The following USP32 variants were observed in gnomAD, a reference collection of about 807,000 sequenced individuals.
USP32 encodes the protein ubiquitin specific peptidase 32.
A neutral mutation model predicts 204.8 loss-of-function variants in USP32; 59 were observed. The ratio of observed to expected loss-of-function variants is 0.29; its 90% CI spans 0.23 to 0.36. USP32 has a LOEUF of 0.36. Among genes scored for constraint, USP32 ranks in the 10% least tolerant of loss-of-function variants. The probability of loss-of-function intolerance (pLI) is 1.00; values close to 1 mark genes in which losing one functional copy is unlikely to be tolerated. For synonymous variants in USP32, 517 were observed against 678.4 expected (o/e 0.76, Z 3.70); for missense variants, 1,160 against 1,946.4 (o/e 0.60, Z 7.60).
chr17:60,373,466 C>T (rs113710288), intron 1 of USP32, among the ~76,000 whole-genome samples: 2,472 of 140,144 alleles, frequency 0.018, 26 homozygotes, highest in Non-Finnish European at 0.026. Context: ...TTTTTTGAGA[C>T]CAAGTCTTGC....
At chr17:60,372,765 G>A (rs1488199000) in intron 1 of USP32, among the ~76,000 whole-genome samples, 4 of 149,588 alleles carry the variant, frequency 2.7e-5, no homozygotes. Context: ...GATAACTTGA[G>A]CCCTTGAGCC....
chr17:60,362,715 C>T (rs915290319), intron 1 of USP32, among the ~76,000 whole-genome samples: 1 of 151,956 alleles, frequency 6.6e-6, no homozygotes, highest in South Asian at 2.1e-4. Flanking sequence ...AGCAGTTTCT[C>T]GAATCAAATA....
Position 60,282,222 on chromosome 17 carries a change from G to T in USP32, c.571+6301C>A, listed in dbSNP as rs76351666. On this transcript the variant is annotated intron_variant, in intron 5 of 33. Transcript: ENST00000300896. Reference sequence around the variant, plus strand: ...GACTCTTCATGTGCCTAAACTGAATGCTAATCAATGTTCTATATCTGATAT... The same window carrying T: ...GACTCTTCATGTGCCTAAACTGAATTCTAATCAATGTTCTATATCTGATAT... Among the ~76,000 whole-genome samples the T allele has an allele frequency of 2.2e-4, 34 of 152,266 alleles. No individual in the cohort carries two copies. The East Asian group carries it at 3.3e-3, about 15-fold the overall frequency.
intron 4 of USP32, among the ~76,000 whole-genome samples, chr17:60,294,162 A>G (rs2087363032): frequency 6.6e-6 from 1 of 152,152 alleles, no homozygotes; most frequent in Non-Finnish European, 1.5e-5. Flanking sequence ...CACCTGGGTC[A>G]CCCAAAGTAC....
At chr17:60,231,404 A>G (rs2085544582) in intron 12 of USP32, 1 of 340,514 alleles carries the variant, frequency 2.9e-6, no homozygotes, top group South Asian at 2.4e-5. Context: ...AAGTAATAAA[A>G]TAATTGTCTG....
At chr17:60,367,771 G>A (rs891451118) in intron 1 of USP32, among the ~76,000 whole-genome samples, 7 of 152,148 alleles carry the variant, frequency 4.6e-5, no homozygotes, top group Non-Finnish European at 1.0e-4. Flanking sequence ...TGGCCCCACT[G>A]TACTCCAGCC....
chr17:60,417,946 C>T (rs538485284), intron 1 of USP32, among the ~76,000 whole-genome samples: 2 of 149,152 alleles, frequency 1.3e-5, no homozygotes, highest in African/African-American at 2.5e-5. Context: ...TCCACCACCA[C>T]GTCCGGCTAA....
rs116271976 is a variant in USP32 at position 60,275,794 on chromosome 17, G to T, written c.572-4313C>A. ...TGGTGTGATCTTAGCTCACTGTAAC[G>T]TCTGCCTCCTAGGTTCTAGCGATTC... On this transcript the variant is annotated intron_variant, in intron 5 of 33. Coordinates refer to ENST00000300896, the MANE Select transcript of USP32 (RefSeq NM_032582.4). Among the ~76,000 whole-genome samples, 168 of 151,606 alleles carry T rather than the reference G, an allele frequency of 1.1e-3. 1 individual carries two copies. The highest frequency in any genetic ancestry group is 3.1e-3 in the African/African-American group (128 of 41,348).
chr17:60,343,956 C>A, intron 2 of USP32, among the ~76,000 whole-genome samples: 1 of 151,492 alleles, frequency 6.6e-6, no homozygotes, highest in Non-Finnish European at 1.5e-5. Context: ...ATCGCTTGAA[C>A]CTGGGAGGCG....
chr17:60,419,818 ATT>A (rs1386013892), intron 1 of USP32, among the ~76,000 whole-genome samples: 67 of 6,064 alleles, frequency 0.011, no homozygotes, highest in African/African-American at 0.086. Context: ...GTTAAAAAAA[ATT>A]ATTATTATTA....
At chr17:60,414,467 T>C (rs62082084) in intron 1 of USP32, among the ~76,000 whole-genome samples, 32,993 of 151,028 alleles carry the variant, frequency 0.22, 8,926 homozygotes, top group African/African-American at 0.64. Flanking sequence ...CTCGCTCTGT[T>C]GCCCAGGCTG....
At chr17:60,223,310 A>G in intron 14 of USP32, 101 bp downstream of exon 14, 1 of 940,366 alleles carries the variant, frequency 1.1e-6, no homozygotes, top group South Asian at 1.5e-5. Context: ...ACAGTAATTA[A>G]ATGAACCATC....
intron 1 of USP32, among the ~76,000 whole-genome samples, chr17:60,405,262 G>A (rs372578712): frequency 1.6e-4 from 25 of 152,248 alleles, no homozygotes; most frequent in South Asian, 8.3e-4. Context: ...GAGTGCAGTG[G>A]CTCAATCTCG....
intron 28 of USP32, among the ~76,000 whole-genome samples, chr17:60,191,043 A>G (rs1332890820): frequency 6.6e-6 from 1 of 152,174 alleles, no homozygotes; most frequent in Non-Finnish European, 1.5e-5. Flanking sequence ...CTGAGGTAGG[A>G]CAATTTATCT....
chr17:60,294,201 T>C (rs1351999685), intron 4 of USP32, among the ~76,000 whole-genome samples: 2 of 152,190 alleles, frequency 1.3e-5, no homozygotes, highest in Non-Finnish European at 1.5e-5. Context: ...CCACCTTGCC[T>C]GGCCCAAAGA....
chr17:60,342,197 T>C (rs1598266380), intron 2 of USP32, among the ~76,000 whole-genome samples: 2 of 152,238 alleles, frequency 1.3e-5, no homozygotes, highest in East Asian at 3.9e-4. Flanking sequence ...TTGCTGGAGG[T>C]CCACTCAAGA....
rs1490918308 is a variant in USP32 at position 60,178,949 on chromosome 17, A to G, written c.*306T>C. 1.0e-5 allele frequency: 3 copies of G among 296,530 alleles called. No individual in the cohort carries two copies. Among genetic ancestry groups the G allele is most frequent in the Non-Finnish European group, 1.3e-5 (2 of 158,138 alleles). 18.4% of individuals were successfully genotyped at this position (296,530 alleles called of 1,614,324 possible). A position where few individuals can be genotyped will look rare whatever the true frequency, so the allele number is the denominator to read the frequency against. On this transcript the variant is annotated 3_prime_UTR_variant, in exon 34 of 34. Coordinates refer to ENST00000300896, the MANE Select transcript of USP32 (RefSeq NM_032582.4). ...CTCTATACTCACTACATATTTGTTCATATCTGGACAAGCACAATTGAATTC... is the reference window on the plus strand; with the variant it reads ...CTCTATACTCACTACATATTTGTTCGTATCTGGACAAGCACAATTGAATTC...
At chr17:60,307,797 C>G (rs758147885) in intron 2 of USP32, among the ~76,000 whole-genome samples, 5 of 152,132 alleles carry the variant, frequency 3.3e-5, no homozygotes, top group Non-Finnish European at 5.9e-5. Flanking sequence ...TGGCCTGCCA[C>G]GCCCCCAAGG....
intron 4 of USP32, 68 bp downstream of exon 4, chr17:60,294,615 C>T (rs2087378976): frequency 2.0e-6 from 2 of 1,010,426 alleles, no homozygotes; most frequent in Non-Finnish European, 2.9e-6. Flanking sequence ...ATACTTAAAA[C>T]TTATTACACA....
Sources: allele counts gnomAD v4.1 joint callset (sites outside exome capture counted in the v4.1 genomes callset), GRCh38; gene constraint gnomAD v4.1.1; transcripts MANE v1.5; gene names NCBI Gene and HGNC (gene_info 2026-07-23, HGNC 2026-07-21).